Variants in TMCC3 observed in about 807,000 individuals in gnomAD.
TMCC3 encodes the protein transmembrane and coiled-coil domain family 3.
Under a neutral mutation model 40.2 loss-of-function variants are expected in TMCC3, and 28 were observed. The observed-to-expected ratio is 0.70, with a 90% confidence interval of 0.52 to 0.95. The LOEUF (loss-of-function observed/expected upper bound fraction) is 0.95. Among genes scored for constraint, TMCC3 ranks in the 40% least tolerant of loss-of-function variants. The pLI is 0.00. For synonymous variants in TMCC3, 255 were observed against 248.5 expected (o/e 1.03, Z -0.25); for missense variants, 554 against 615.2 (o/e 0.90, Z 1.05).
intron 1 of TMCC3, among the ~76,000 whole-genome samples, chr12:94,624,615 G>A (rs976098521): frequency 7.2e-5 from 11 of 152,122 alleles, no homozygotes; most frequent in African/African-American, 2.7e-4. Flanking sequence ...TCAGGAGGCT[G>A]AGGCACGAGA....
At chr12:94,601,659 T>C (rs913562270) in intron 1 of TMCC3, among the ~76,000 whole-genome samples, 3 of 151,362 alleles carry the variant, frequency 2.0e-5, no homozygotes, top group Non-Finnish European at 2.9e-5. Context: ...TACTAAAAAA[T>C]TGGCTGAGCA....
chr12:94,593,537 G>A (rs532896063), intron 1 of TMCC3, among the ~76,000 whole-genome samples: 11 of 151,642 alleles, frequency 7.3e-5, no homozygotes, highest in African/African-American at 2.4e-4. Flanking sequence ...GGGATCATTT[G>A]GAACAGGGGC....
chr12:94,613,499 G>A (rs1398270762), intron 1 of TMCC3, among the ~76,000 whole-genome samples: 1 of 152,134 alleles, frequency 6.6e-6, no homozygotes, highest in East Asian at 1.9e-4. Flanking sequence ...CTTAAAAGAA[G>A]CAAATCAAAG....
chr12:94,603,199 C>T (rs2068762889), intron 1 of TMCC3, among the ~76,000 whole-genome samples: 1 of 152,228 alleles, frequency 6.6e-6, no homozygotes. Flanking sequence ...ATTCTCATGC[C>T]TCAGCTTCCC....
chr12:94,627,150 C>G (rs1260753463), intron 1 of TMCC3, among the ~76,000 whole-genome samples: 1 of 152,158 alleles, frequency 6.6e-6, no homozygotes, highest in African/African-American at 2.4e-5. Context: ...GCCACCACAC[C>G]CAGCCACACT....
At chr12:94,617,560 A>T (rs2068854452) in intron 1 of TMCC3, among the ~76,000 whole-genome samples, 3 of 152,258 alleles carry the variant, frequency 2.0e-5, no homozygotes, top group South Asian at 2.1e-4. Flanking sequence ...GCAGCAGATT[A>T]TAAGTTTTCT....
Position 94,571,025 on chromosome 12 carries a change from G to A in TMCC3, c.*410C>T. 1.4e-5 allele frequency: 3 copies of A among 216,734 alleles called. No homozygotes were observed. Among genetic ancestry groups the A allele is most frequent in the East Asian group, 2.3e-4 (2 of 8,786 alleles). 13.4% of individuals were successfully genotyped at this position (216,734 alleles called of 1,614,324 possible). A position where few individuals can be genotyped will look rare whatever the true frequency, so the allele number is the denominator to read the frequency against. The stretch of plus-strand genomic sequence containing the variant: ...TGTGATTCTTCATTCCCTGAATCAT[G>A]CATATCCTTGCTTTTTATAGGACTC... On this transcript the variant is annotated 3_prime_UTR_variant, in exon 4 of 4. Transcript: ENST00000261226.
chr12:94,577,657 G>A (rs2068573692), intron 3 of TMCC3, among the ~76,000 whole-genome samples: 1 of 152,068 alleles, frequency 6.6e-6, no homozygotes. Context: ...CACAGAGTCC[G>A]TGTCGTGTAA....
At position 94,645,549 on chromosome 12, in the gene TMCC3, T is replaced by C. The variant is rs1452969469; in HGVS notation, c.78+4804A>G. 3.9e-5 allele frequency among the ~76,000 whole-genome samples: 6 copies of C among 152,328 alleles called. No homozygotes were observed. The East Asian group carries it at 7.7e-4, about 20-fold the overall frequency. On this transcript the variant is annotated intron_variant, in intron 1 of 3. Coordinates refer to ENST00000261226, the MANE Select transcript of TMCC3 (RefSeq NM_020698.4). ...GCCTCCCAGGTTCAAGCGATTCTCC[T>C]GCCTCAGCCTCCCTAGTAGCTGGGA...
intron 1 of TMCC3, among the ~76,000 whole-genome samples, chr12:94,621,873 A>C (rs1259849874): frequency 6.6e-6 from 1 of 152,202 alleles, no homozygotes; most frequent in Non-Finnish European, 1.5e-5. Context: ...ACCCAGGGGC[A>C]TGTCAGAACG....
At chr12:94,604,231 T>C (rs1356065090) in intron 1 of TMCC3, among the ~76,000 whole-genome samples, 1 of 152,240 alleles carries the variant, frequency 6.6e-6, no homozygotes, top group African/African-American at 2.4e-5. Flanking sequence ...AATAGTCATT[T>C]AGAAAGCCAA....
intron 1 of TMCC3, among the ~76,000 whole-genome samples, chr12:94,633,300 A>C (rs994931067): frequency 6.6e-6 from 1 of 152,204 alleles, no homozygotes; most frequent in Non-Finnish European, 1.5e-5. Context: ...CCTCTGAGGA[A>C]GCAGGAAGAG....
intron 1 of TMCC3, among the ~76,000 whole-genome samples, chr12:94,633,344 T>C (rs1434563283): frequency 6.6e-6 from 1 of 152,176 alleles, no homozygotes; most frequent in African/African-American, 2.4e-5. Context: ...TATGGGACCA[T>C]TTATTTCTTA....
rs538598201 is a variant in TMCC3 at position 94,645,990 on chromosome 12, T to C, written c.78+4363A>G. Among the ~76,000 whole-genome samples the C allele has an allele frequency of 1.2e-3, 179 of 152,286 alleles. 6 individuals carry two copies. The highest frequency in any genetic ancestry group is 0.012 in the Admixed American group (178 of 15,300). On this transcript the variant is annotated intron_variant, in intron 1 of 3. Transcript: ENST00000261226. ...TTTATTCCTCAAAACACCCCTATTATGTAGAAGTAGGAACTAAGGCTTAGA... is the reference window on the plus strand; with the variant it reads ...TTTATTCCTCAAAACACCCCTATTACGTAGAAGTAGGAACTAAGGCTTAGA...
chr12:94,572,197 G>A (rs1284511148), intron 3 of TMCC3, among the ~76,000 whole-genome samples: 4 of 151,258 alleles, frequency 2.6e-5, no homozygotes, highest in African/African-American at 9.7e-5. Flanking sequence ...ATGGGGTTTC[G>A]CCATATTGGC....
At chr12:94,604,931 T>G (rs1320457728) in intron 1 of TMCC3, among the ~76,000 whole-genome samples, 1 of 152,056 alleles carries the variant, frequency 6.6e-6, no homozygotes, top group Admixed American at 6.6e-5. Context: ...AAAAATCTGC[T>G]GAGAGCCTAG....
At chr12:94,574,742 CAT>C (rs1027170155) in intron 3 of TMCC3, among the ~76,000 whole-genome samples, 1 of 152,224 alleles carries the variant, frequency 6.6e-6, no homozygotes, top group African/African-American at 2.4e-5. Context: ...TACTAGAAAT[CAT>C]GTGTTCTTTT....
intron 1 of TMCC3, among the ~76,000 whole-genome samples, chr12:94,620,046 A>G (rs2138867506): frequency 6.6e-6 from 1 of 151,986 alleles, no homozygotes; most frequent in South Asian, 2.1e-4. Context: ...GCATGTAATC[A>G]CAGCTACTGG....
intron 1 of TMCC3, among the ~76,000 whole-genome samples, chr12:94,639,124 C>T (rs2068975678): frequency 6.6e-6 from 1 of 152,194 alleles, no homozygotes; most frequent in South Asian, 2.1e-4. Flanking sequence ...CTCAGTTTCT[C>T]CCAGGTCATG....
Sources: gnomAD v4.1 joint callset for allele counts (sites outside exome capture counted in the v4.1 genomes callset) on GRCh38, gnomAD v4.1.1 for gene constraint, MANE v1.5 for transcripts, NCBI Gene and HGNC (gene_info 2026-07-23, HGNC 2026-07-21) for gene names.